Variants in GLIS3 observed in about 807,000 individuals in gnomAD.
GLIS3 encodes zinc finger protein GLIS3.
GLIS3 carries 53 observed loss-of-function variants against 78.6 expected under a neutral mutation model. That is an observed-to-expected ratio of 0.67 (90% CI 0.54 to 0.85). GLIS3 has a LOEUF of 0.85. GLIS3 is among the 40% of genes least tolerant of loss of function. GLIS3 has a pLI of 0.00. For missense variants in GLIS3, 1,703 were observed against 1,231.1 expected (o/e 1.38, Z -5.74); for synonymous variants, 684 against 509.9 (o/e 1.34, Z -4.60).
At chr9:3,949,925 C>T (rs1648118420) in intron 4 of GLIS3, among the ~76,000 whole-genome samples, 1 of 152,156 alleles carries the variant, frequency 6.6e-6, no homozygotes, top group African/African-American at 2.4e-5. Context: ...TTGGCCTAGA[C>T]CTCTCCTCTG....
chr9:4,398,831 G>A, the GLIS3 span, among the ~76,000 whole-genome samples: 5,007 of 152,244 alleles, frequency 0.033, 145 homozygotes, highest in South Asian at 0.091. Context: ...TGGGATTACA[G>A]GTGCCCACCA....
At chr9:3,873,962 C>G (rs1050012768) in intron 8 of GLIS3, among the ~76,000 whole-genome samples, 1 of 152,036 alleles carries the variant, frequency 6.6e-6, no homozygotes, top group Non-Finnish European at 1.5e-5. Context: ...GACCACACAT[C>G]CCTTCTTTCT....
chr9:3,862,011 T>C (rs1488318342), intron 8 of GLIS3, among the ~76,000 whole-genome samples: 1 of 152,124 alleles, frequency 6.6e-6, no homozygotes, highest in East Asian at 1.9e-4. Context: ...GTTCTAGAAG[T>C]AGTTAATGTT....
intron 4 of GLIS3, among the ~76,000 whole-genome samples, chr9:3,951,699 CTTT>C (rs1479886706): frequency 2.6e-5 from 4 of 152,078 alleles, no homozygotes; most frequent in African/African-American, 9.7e-5. Context: ...TTTCAGACTT[CTTT>C]TTAGAATGCA....
At chr9:4,195,597 G>T (rs561609739) in intron 2 of GLIS3, among the ~76,000 whole-genome samples, 1 of 152,238 alleles carries the variant, frequency 6.6e-6, no homozygotes, top group African/African-American at 2.4e-5. Flanking sequence ...GCTCCCACGC[G>T]GCCTGAGCCT....
chr9:4,275,189 C>T (rs1563879094), intron 2 of GLIS3, among the ~76,000 whole-genome samples: 1 of 151,874 alleles, frequency 6.6e-6, no homozygotes, highest in Non-Finnish European at 1.5e-5. Context: ...AAAAGGCTGC[C>T]TAACTCCTCC....
At chr9:3,960,761 G>A (rs1817491486) in intron 4 of GLIS3, among the ~76,000 whole-genome samples, 1 of 152,190 alleles carries the variant, frequency 6.6e-6, no homozygotes, top group Non-Finnish European at 1.5e-5. Flanking sequence ...CCAGTAGTGA[G>A]GTCAGCACTA....
At chr9:4,176,425 C>T (rs1244790481) in intron 2 of GLIS3, among the ~76,000 whole-genome samples, 1 of 152,126 alleles carries the variant, frequency 6.6e-6, no homozygotes, top group African/African-American at 2.4e-5. Context: ...TTCTGTTCAT[C>T]TAGTTGTACT....
the GLIS3 span, among the ~76,000 whole-genome samples, chr9:4,393,537 C>G: frequency 6.6e-6 from 1 of 152,148 alleles, no homozygotes; most frequent in Non-Finnish European, 1.5e-5. Flanking sequence ...AATCCCGTAT[C>G]GCATTAGTTG....
chr9:4,299,110 C>A lies in GLIS3; in HGVS notation c.-99+311G>T, dbSNP rs1017485867. ...TTGAAATGAAAACACAAAAACTGTT[C>A]CGAATTAGCGCAACTTTAAAGCCCC... On this transcript the variant is annotated intron_variant, in intron 1 of 10. Transcript: ENST00000381971. Among the ~76,000 whole-genome samples the A allele has an allele frequency of 9.2e-5, 14 of 152,238 alleles. No homozygotes were observed. The South Asian group carries it at 2.9e-3, about 32-fold the overall frequency.
At chr9:4,217,900 A>C (rs1393753460) in intron 2 of GLIS3, among the ~76,000 whole-genome samples, 2 of 152,246 alleles carry the variant, frequency 1.3e-5, no homozygotes, top group Non-Finnish European at 2.9e-5. Flanking sequence ...GGCCTCTTTA[A>C]AATTAATGCA....
intron 2 of GLIS3, among the ~76,000 whole-genome samples, chr9:4,185,809 G>C (rs1203021224): frequency 1.3e-5 from 2 of 152,010 alleles, no homozygotes; most frequent in South Asian, 2.1e-4. Flanking sequence ...CCTTTCATTT[G>C]GCCTCTTGCA....
At chr9:4,303,268 G>GAAAC (rs138774306), upstream of GLIS3, among the ~76,000 whole-genome samples, 1 of 144,984 alleles carries the variant, frequency 6.9e-6, no homozygotes, top group Non-Finnish European at 1.5e-5. Context: ...TTAAAACACA[G>GAAAC]ACACACACAC....
At chr9:4,391,221 G>A in the GLIS3 span, among the ~76,000 whole-genome samples, 1 of 152,294 alleles carries the variant, frequency 6.6e-6, no homozygotes, top group South Asian at 2.1e-4. Flanking sequence ...ATCTCTGGTG[G>A]AAGGGACAGT....
chr9:4,345,739 A>G (rs369692827), intron 2 of GLIS3, among the ~76,000 whole-genome samples: 1 of 152,242 alleles, frequency 6.6e-6, no homozygotes, highest in Admixed American at 6.5e-5. Context: ...CCAAAGTTAC[A>G]TGGAATTTTG....
intron 1 of GLIS3, 73 bp from the exon 2 acceptor site, chr9:4,286,596 G>C (rs1828023322): frequency 2.6e-6 from 2 of 756,914 alleles, no homozygotes; most frequent in South Asian, 3.3e-5. Context: ...TTTTCAACCT[G>C]TGTATCATTC....
intron 2 of GLIS3, among the ~76,000 whole-genome samples, chr9:4,270,505 C>T (rs1826405797): frequency 6.6e-6 from 1 of 152,162 alleles, no homozygotes; most frequent in Admixed American, 6.5e-5. Context: ...GCATCTGCTT[C>T]CAGGCTCACA....
the GLIS3 span, among the ~76,000 whole-genome samples, chr9:4,456,985 A>G: frequency 2.0e-5 from 3 of 152,230 alleles, no homozygotes; most frequent in Non-Finnish European, 4.4e-5. Flanking sequence ...TGACACAGAC[A>G]TGACATGAAC....
chr9:4,037,858 C>G (rs1375876173), intron 4 of GLIS3, among the ~76,000 whole-genome samples: 1 of 151,754 alleles, frequency 6.6e-6, no homozygotes, highest in Non-Finnish European at 1.5e-5. Context: ...ATTATTATGA[C>G]AGCTGTGGAG....
Sources: allele counts gnomAD v4.1 joint callset (sites outside exome capture counted in the v4.1 genomes callset), GRCh38; gene constraint gnomAD v4.1.1; transcripts MANE v1.5; gene names NCBI Gene and HGNC (gene_info 2026-07-23, HGNC 2026-07-21).